BRD1: variants seen among roughly 807,000 people sequenced by gnomAD.
BRD1 encodes the protein bromodomain-containing protein 1.
In BRD1, 24 loss-of-function variants were observed where a neutral mutation model predicts 107.7. The observed-to-expected ratio is 0.22, with a 90% confidence interval of 0.16 to 0.31. The LOEUF is 0.31. BRD1 is among the 10% of genes least tolerant of loss of function. BRD1 has a pLI of 1.00. For missense variants in BRD1, 1,279 were observed against 1,638.6 expected, an observed-to-expected ratio of 0.78 and a Z score of 3.79; for synonymous variants, 744 against 686.1, an observed-to-expected ratio of 1.08 and a Z score of -1.32.
intron 2 of BRD1, chr22:49,818,138 G>C (rs746179723): frequency 5.8e-6 from 5 of 859,928 alleles, no homozygotes; most frequent in Non-Finnish European, 7.1e-6. Flanking sequence ...CAGTGAAGGC[G>C]GGAGGAGCAC....
intron 2 of BRD1, among the ~76,000 whole-genome samples, chr22:49,811,892 T>C (rs2059857121): frequency 6.6e-6 from 1 of 152,214 alleles, no homozygotes; most frequent in African/African-American, 2.4e-5. Flanking sequence ...GGCATTGCTA[T>C]TTACATTTAT....
At position 49,803,952 on chromosome 22, in the gene BRD1, C is replaced by T. The variant is rs1275659453; in HGVS notation, c.1524+252G>A. ...CAGCGTGTGTGCGGGCAGGGCAGGG[C>T]GGGGGAGCGCAACTCAAAACGGAAG... On this transcript the variant is annotated intron_variant, in intron 3 of 12. Transcript: ENST00000404760. The surrounding 1 kb of genome is among the most constrained non-coding windows in gnomAD (Gnocchi z 4.4). 3.3e-5 allele frequency among the ~76,000 whole-genome samples: 5 copies of T among 152,326 alleles called. No individual in the cohort carries two copies. The East Asian group carries it at 5.8e-4, about 18-fold the overall frequency.
At position 49,778,250 on chromosome 22, in the gene BRD1, CA is replaced by C. The variant is rs2059138590; in HGVS notation, c.2858-438del. 3.3e-5 allele frequency among the ~76,000 whole-genome samples: 5 copies of C among 152,302 alleles called. No homozygotes were observed. The South Asian group carries it at 1.0e-3, about 32-fold the overall frequency. On this transcript the variant is annotated intron_variant, in intron 8 of 12. Transcript: ENST00000404760. ...CAGGCCGAAGGGGCCACCAAAGACA[CA>C]AAAACATGTTCACAGGAGCAGAGCT...
rs922271385 is a variant in BRD1 at position 49,792,681 on chromosome 22, T to C, written c.2359+1353A>G. ...CTAGAGTCTGGGTACTATACTATGG[T>C]GAACTAAACAGAAGAATCCCAGAAC... On this transcript the variant is annotated intron_variant, in intron 7 of 12. Coordinates refer to ENST00000404760, the MANE Select transcript of BRD1 (RefSeq NM_001304808.3). This position sits in a 1 kb window ranked among gnomAD's most constrained non-coding sequence, Gnocchi z 4.2. Among the ~76,000 whole-genome samples, 3 of 152,046 alleles carry C rather than the reference T, an allele frequency of 2.0e-5. No homozygotes were observed. Among genetic ancestry groups the C allele is most frequent in the African/African-American group, 4.8e-5 (2 of 41,370 alleles).
chr22:49,823,442 C>G lies in BRD1; in HGVS notation c.876G>C (p.Val292=), dbSNP rs767396592. ...KKTDDDRWGH[V]VCALWIPEVG... is the part of the protein sequence containing the mutation. ...CCTCTGGGATCCACAGGGCACACACCACGTGACCCCAGCGGTCGTCATCTG... is the reference window on the plus strand; with the variant it reads ...CCTCTGGGATCCACAGGGCACACACGACGTGACCCCAGCGGTCGTCATCTG... The change falls in exon 2 of 13, where the codon GTG becomes GTC. Residue 292 remains valine (V), a synonymous_variant. Coordinates refer to ENST00000404760, the MANE Select transcript of BRD1 (RefSeq NM_001304808.3). 3.7e-6 allele frequency: 6 copies of G among 1,611,408 alleles called. No individual in the cohort carries two copies. The highest frequency in any genetic ancestry group is 3.3e-4 in the Middle Eastern group (2 of 6,084).
intron 8 of BRD1, among the ~76,000 whole-genome samples, chr22:49,786,690 T>C (rs2059331964): frequency 6.6e-6 from 1 of 152,120 alleles, no homozygotes; most frequent in East Asian, 1.9e-4. Flanking sequence ...GAGACCTGAC[T>C]GAGGGTTGCA....
intron 10 of BRD1, among the ~76,000 whole-genome samples, chr22:49,776,386 G>C (rs965525138): frequency 6.6e-6 from 1 of 152,248 alleles, no homozygotes; most frequent in Admixed American, 6.5e-5. Flanking sequence ...ACGGACCCAG[G>C]GAAGCTCCTG....
In BRD1 at chr22:49,798,575, G is replaced by C; in HGVS notation, c.1768C>G (p.Pro590Ala). The change falls in exon 5 of 13, where the codon CCC becomes GCC. Residue 590 changes from proline (P) to alanine (A), a missense_variant. By Grantham distance (27) the Pro-to-Ala change is conservative. This residue lies in a region of BRD1 where 406 missense variants were observed against 519.4 expected (regional missense o/e 0.78). Transcript: ENST00000404760. ...DKDPARIFAQPVSLKEVPDYL... is the reference protein window; with the variant it reads ...DKDPARIFAQAVSLKEVPDYL... ...ACACCCACCTCCTTCAGACTCACGG[G>C]CTGCGCAAATATCCTGGCGGGGTCC... is the stretch of plus-strand genomic sequence containing the variant. 28 of 1,614,200 alleles carry C rather than the reference G, an allele frequency of 1.7e-5. No homozygotes were observed. The highest frequency in any genetic ancestry group is 2.3e-5 in the Non-Finnish European group (27 of 1,180,044).
chr22:49,774,503 C>T, intron 12 of BRD1, 87 bp from the exon 13 acceptor site: 2 of 1,414,282 alleles, frequency 1.4e-6, no homozygotes, highest in South Asian at 2.6e-5. Context: ...AAATTCACTG[C>T]CCTCCGATAG....
At chr22:49,789,810 T>G (rs1479218813) in intron 7 of BRD1, among the ~76,000 whole-genome samples, 6 of 152,208 alleles carry the variant, frequency 3.9e-5, no homozygotes, top group Non-Finnish European at 8.8e-5. Flanking sequence ...CAGACGTCCC[T>G]GCCTTGCAGC....
Position 49,807,491 on chromosome 22 carries a change from G to A in BRD1, c.1368-3131C>T, listed in dbSNP as rs116543919. The stretch of plus-strand genomic sequence containing the variant: ...TATCCAGCAGAGACTGTTGACAAGG[G>A]TGCCAAGACCATTCAGAGGGGAAAA... On this transcript the variant is annotated intron_variant, in intron 2 of 12. Transcript: ENST00000404760. Among the ~76,000 whole-genome samples, 734 of 152,310 alleles carry A rather than the reference G, an allele frequency of 4.8e-3. 7 individuals are homozygous for A. The highest frequency in any genetic ancestry group is 0.017 in the African/African-American group (709 of 41,542).
At chr22:49,796,586 G>A (rs1474307820) in intron 6 of BRD1, among the ~76,000 whole-genome samples, 1 of 150,958 alleles carries the variant, frequency 6.6e-6, no homozygotes, top group Non-Finnish European at 1.5e-5. Flanking sequence ...TCAATCTCCC[G>A]ACCTCAAGTG....
At chr22:49,779,975 A>C (rs2059173938) in intron 8 of BRD1, among the ~76,000 whole-genome samples, 1 of 151,950 alleles carries the variant, frequency 6.6e-6, no homozygotes. Flanking sequence ...CCCCCAGCAC[A>C]CTCCAGACCC....
intron 1 of BRD1, chr22:49,826,036 C>A: frequency 2.8e-6 from 1 of 358,260 alleles, no homozygotes. Flanking sequence ...CCCCAGCCGG[C>A]CCCGTGAGCC....
chr22:49,824,748 C>G lies in BRD1; in HGVS notation c.-14-417G>C, dbSNP rs1040406439. ...ACATACAGGGCTGGACCCCACCAGG[C>G]ACAGAGGCTATGCCCACCAGACAGG... On this transcript the variant is annotated intron_variant, in intron 1 of 12. Coordinates refer to ENST00000404760, the MANE Select transcript of BRD1 (RefSeq NM_001304808.3). This position sits in a 1 kb window ranked among gnomAD's most constrained non-coding sequence, Gnocchi z 5.9. 10 of 1,040,790 alleles carry G rather than the reference C, an allele frequency of 9.6e-6. No homozygotes were observed. The highest frequency in any genetic ancestry group is 7.8e-5 in the East Asian group (1 of 12,800). The allele number at this position is 1,040,790 out of a possible 1,614,324, so 64.5% of individuals were successfully genotyped here.
intron 8 of BRD1, 51 bp downstream of exon 8, chr22:49,787,339 T>C (rs1601632339): frequency 8.9e-7 from 1 of 1,121,862 alleles, no homozygotes. Flanking sequence ...TGAAGGACGC[T>C]CCAGGCACTG....
In BRD1 at chr22:49,822,977, C is replaced by T. The variant is rs199703671; in HGVS notation, c.1341G>A (p.Val447=). Residue 447 remains valine, a synonymous_variant, in exon 2 of 13, where the codon GTG becomes GTA. Transcript: ENST00000404760. The part of the protein sequence containing the change: ...LAEPCAVLPT[V]CAPYIPPQRL... ...TCTGCGGGGGAATATAAGGAGCGCA[C>T]ACGGTCGGCAGGACCGCGCAGGGCT... 11 of 1,614,198 alleles carry T rather than the reference C, an allele frequency of 6.8e-6. No individual in the cohort carries two copies. Among genetic ancestry groups the T allele is most frequent in the Non-Finnish European group, 9.3e-6 (11 of 1,180,034 alleles).
chr22:49,818,834 C>G (rs6009882), intron 2 of BRD1, among the ~76,000 whole-genome samples: 1 of 151,558 alleles, frequency 6.6e-6, no homozygotes, highest in African/African-American at 2.4e-5. Flanking sequence ...TGTAGTGAGC[C>G]GAGATCGTGC....
chr22:49,775,817 CCCCCCCCG>C, intron 11 of BRD1, 72 bp from the exon 12 acceptor site: 1 of 1,205,028 alleles, frequency 8.3e-7, no homozygotes, highest in Non-Finnish European at 1.0e-6. Context: ...TCACTGGCAC[CCCCCCCCG>C]CCTCCCCACC....
Sources: gnomAD v4.1 joint callset for allele counts (sites outside exome capture counted in the v4.1 genomes callset) on GRCh38, gnomAD v4.1.1 for gene constraint, gnomAD v4.1.1 regional missense constraint, Gnocchi (gnomAD v3.1) non-coding constraint, MANE v1.5 for transcripts, NCBI Gene and HGNC (gene_info 2026-07-23, HGNC 2026-07-21) for gene names.